The following THSD7A variants were observed in gnomAD, a reference collection of about 807,000 sequenced individuals.
THSD7A encodes the protein thrombospondin type 1 domain containing 7A.
In THSD7A, 96 loss-of-function variants were observed where a neutral mutation model predicts 231.3. That is an observed-to-expected ratio of 0.41 (90% CI 0.35 to 0.49). The LOEUF is 0.49. THSD7A is among the 20% of genes least tolerant of loss of function. The pLI is 0.05. For synonymous variants in THSD7A, 940 were observed against 743.3 expected (o/e 1.26, Z -4.30); for missense variants, 2,290 against 2,070.2 (o/e 1.11, Z -2.06).
intron 2 of THSD7A, among the ~76,000 whole-genome samples, chr7:11,612,694 G>A (rs546717993): frequency 8.5e-5 from 13 of 152,168 alleles, no homozygotes; most frequent in South Asian, 2.1e-4. Flanking sequence ...CATGACAATC[G>A]TAATTTATAT....
chr7:11,453,881 A>C (rs1279987295), intron 11 of THSD7A, among the ~76,000 whole-genome samples: 2 of 152,090 alleles, frequency 1.3e-5, no homozygotes, highest in African/African-American at 4.8e-5. Flanking sequence ...CATTATGGTC[A>C]TATATTTCTA....
Position 11,389,421 on chromosome 7 carries a change from C to CTTTTTTTTTTTTTTTTTTTTTTTTT in THSD7A, c.4412-6830_4412-6806dup, listed in dbSNP as rs57755425. Among the ~76,000 whole-genome samples, 4 of 37,588 alleles carry CTTTTTTTTTTTTTTTTTTTTTTTTT rather than the reference C, an allele frequency of 1.1e-4. 2 individuals carry two copies. Among genetic ancestry groups the CTTTTTTTTTTTTTTTTTTTTTTTTT allele is most frequent in the African/African-American group, 1.9e-4 (2 of 10,418 alleles). The allele number at this position is 37,588 out of a possible 152,430, so 24.7% of individuals were successfully genotyped here. On this transcript the variant is annotated intron_variant, in intron 23 of 27. Transcript: ENST00000423059. ...TCAGAGACTAGAATTGCAACTCCTG[C>CTTTTTTTTTTTTTTTTTTTTTTTTT]TTTTTTTTTTTTTTTTTTTTTTTTT...
intron 23 of THSD7A, among the ~76,000 whole-genome samples, chr7:11,400,735 T>C (rs1471143358): frequency 6.6e-6 from 1 of 152,196 alleles, no homozygotes; most frequent in African/African-American, 2.4e-5. Flanking sequence ...GCCCATTTGG[T>C]TTTTACTGCA....
chr7:11,806,810 T>C (rs773884332), intron 1 of THSD7A, among the ~76,000 whole-genome samples: 14 of 152,132 alleles, frequency 9.2e-5, no homozygotes, highest in Non-Finnish European at 1.8e-4. Context: ...AAGCAAGTGC[T>C]AGCCCCAAGC....
At chr7:11,668,301 C>T (rs1783227808) in intron 1 of THSD7A, among the ~76,000 whole-genome samples, 1 of 151,914 alleles carries the variant, frequency 6.6e-6, no homozygotes, top group Admixed American at 6.6e-5. Flanking sequence ...GCCTGTAATC[C>T]CAGCTTCTCG....
chr7:11,596,524 G>T (rs1187096476), intron 2 of THSD7A, among the ~76,000 whole-genome samples: 1 of 152,146 alleles, frequency 6.6e-6, no homozygotes, highest in African/African-American at 2.4e-5. Flanking sequence ...GACTGGTAGG[G>T]TGAGGGCTAT....
intron 23 of THSD7A, among the ~76,000 whole-genome samples, chr7:11,398,199 T>C (rs1452442649): frequency 7.6e-6 from 1 of 132,074 alleles, no homozygotes; most frequent in Non-Finnish European, 1.6e-5. Context: ...TGGAATAGTA[T>C]GCAGCCATAA....
chr7:11,407,199 C>G, intron 20 of THSD7A, 107 bp downstream of exon 20: 2 of 1,436,326 alleles, frequency 1.4e-6, no homozygotes, highest in Non-Finnish European at 9.6e-7. Context: ...AGAAAGACAA[C>G]CAATCCAACC....
At chr7:11,817,575 A>G (rs1385699136) in intron 1 of THSD7A, among the ~76,000 whole-genome samples, 1 of 152,186 alleles carries the variant, frequency 6.6e-6, no homozygotes, top group African/African-American at 2.4e-5. Flanking sequence ...TAAAAAAGGA[A>G]AGGACACAGA....
chr7:11,587,236 C>T (rs1429891709), intron 4 of THSD7A, among the ~76,000 whole-genome samples: 3 of 152,176 alleles, frequency 2.0e-5, no homozygotes, highest in African/African-American at 7.2e-5. Flanking sequence ...AGGCCTCTTC[C>T]TGTCATATTC....
At chr7:11,815,757 G>A (rs767283636) in intron 1 of THSD7A, among the ~76,000 whole-genome samples, 5 of 151,962 alleles carry the variant, frequency 3.3e-5, no homozygotes, top group Non-Finnish European at 7.4e-5. Flanking sequence ...AAACCCAAAT[G>A]ACTTGATCTC....
At chr7:11,517,023 T>C (rs1012487535) in intron 6 of THSD7A, among the ~76,000 whole-genome samples, 62 of 147,772 alleles carry the variant, frequency 4.2e-4, no homozygotes, top group African/African-American at 1.5e-3. Context: ...TTGCCATCTG[T>C]CACATTCATA....
chr7:11,424,795 T>A lies in THSD7A; in HGVS notation c.3284A>T (p.Asn1095Ile). 1 of 1,614,006 alleles carries A rather than the reference T, an allele frequency of 6.2e-7. No individual in the cohort carries two copies. Among genetic ancestry groups the A allele is most frequent in the Non-Finnish European group, 8.5e-7 (1 of 1,179,876 alleles). The stretch of plus-strand genomic sequence containing the variant: ...GGGCTCTGTGACCCATAGGTACTGG[T>A]TGCAGTCACTGTGGCATGGGACAAC... ...YEVVPCHSDC[N>I]QYLWVTEPWS... The change falls in exon 16 of 28, where the codon AAC (asparagine) becomes ATC (isoleucine). Residue 1095 changes from asparagine (N) to isoleucine (I), a missense_variant. Transcript: ENST00000423059.
At chr7:11,434,788 C>T (rs1368369192) in intron 13 of THSD7A, among the ~76,000 whole-genome samples, 3 of 151,872 alleles carry the variant, frequency 2.0e-5, no homozygotes, top group African/African-American at 7.2e-5. Context: ...TTTGCAAAAA[C>T]TTTCCAAACG....
At chr7:11,659,424 C>T (rs758233348) in intron 1 of THSD7A, among the ~76,000 whole-genome samples, 4 of 151,522 alleles carry the variant, frequency 2.6e-5, no homozygotes, top group Non-Finnish European at 4.4e-5. Context: ...AATTCTACGA[C>T]GTTCTGACCT....
chr7:11,487,785 G>A (rs1331344151), intron 6 of THSD7A, among the ~76,000 whole-genome samples: 1 of 152,100 alleles, frequency 6.6e-6, no homozygotes, highest in African/African-American at 2.4e-5. Flanking sequence ...TCATGGGGGA[G>A]ACCGACACCA....
At chr7:11,537,721 T>C (rs1478359125) in intron 6 of THSD7A, among the ~76,000 whole-genome samples, 2 of 152,228 alleles carry the variant, frequency 1.3e-5, no homozygotes, top group African/African-American at 4.8e-5. Flanking sequence ...GGTATTTCTT[T>C]ATAAGCAATG....
chr7:11,730,150 T>A (rs192304970), intron 1 of THSD7A, among the ~76,000 whole-genome samples: 1 of 151,808 alleles, frequency 6.6e-6, no homozygotes, highest in African/African-American at 2.4e-5. Flanking sequence ...ACAAGACAGC[T>A]TGCACCAAAA....
At chr7:11,403,577 A>G (rs1458551318) in intron 22 of THSD7A, among the ~76,000 whole-genome samples, 3 of 152,220 alleles carry the variant, frequency 2.0e-5, no homozygotes, top group Non-Finnish European at 4.4e-5. Context: ...TATGAATGTA[A>G]TAAAATTTCA....
Sources: gnomAD v4.1 joint callset for allele counts (sites outside exome capture counted in the v4.1 genomes callset) on GRCh38, gnomAD v4.1.1 for gene constraint, MANE v1.5 for transcripts, NCBI Gene and HGNC (gene_info 2026-07-23, HGNC 2026-07-21) for gene names.